The following KCNN3 variants were observed in gnomAD, a reference collection of about 807,000 sequenced individuals.
KCNN3 encodes the protein potassium calcium-activated channel subfamily N member 3, also known as small conductance calcium-activated potassium channel protein 3.
KCNN3 carries 16 observed loss-of-function variants against 62.9 expected under a neutral mutation model. The ratio of observed to expected loss-of-function variants is 0.25; its 90% CI spans 0.17 to 0.39. The LOEUF (loss-of-function observed/expected upper bound fraction) is 0.39, where lower values mean the gene tolerates loss of function less well. Among genes scored for constraint, KCNN3 ranks in the 10% least tolerant of loss-of-function variants. The probability of loss-of-function intolerance (pLI) is 1.00; values close to 1 mark genes in which losing one functional copy is unlikely to be tolerated. For missense variants in KCNN3, 599 were observed against 949.4 expected, an observed-to-expected ratio of 0.63 and a Z score of 4.85; for synonymous variants, 370 against 389.2, an observed-to-expected ratio of 0.95 and a Z score of 0.58.
intron 3 of KCNN3, among the ~76,000 whole-genome samples, chr1:154,763,931 A>G (rs1248198010): frequency 6.6e-5 from 10 of 152,224 alleles, no homozygotes; most frequent in Admixed American, 6.5e-4. Flanking sequence ...TTTACTGTAT[A>G]TAGCACTTTT....
chr1:154,787,360 A>T (rs1649325403), intron 2 of KCNN3, among the ~76,000 whole-genome samples: 1 of 152,024 alleles, frequency 6.6e-6, no homozygotes, highest in African/African-American at 2.4e-5. Flanking sequence ...GGGCCAGGGC[A>T]TGCGGCAGCC....
chr1:154,869,149 G>T lies in KCNN3; in HGVS notation c.816C>A (p.His272Gln). 5 of 1,614,154 alleles carry T rather than the reference G, an allele frequency of 3.1e-6. No individual in the cohort carries two copies. Among genetic ancestry groups the T allele is most frequent in the Non-Finnish European group, 4.2e-6 (5 of 1,180,038 alleles). The change falls in exon 1 of 8, where the codon CAC becomes CAA. Residue 272 changes from histidine to glutamine, a missense_variant. Physicochemically the swap from His to Gln is conservative, Grantham distance 24 (BLOSUM62 0). This residue lies in a region of KCNN3 where 288 missense variants were observed against 557.4 expected (regional missense o/e 0.52). Coordinates refer to ENST00000271915, the MANE Select transcript of KCNN3 (RefSeq NM_002249.6). The surrounding 1 kb of genome is among the most constrained non-coding windows in gnomAD (Gnocchi z 6.1). ...KNQNIGYKLG[H>Q]RRALFEKRKR... ...TTCTCTTTTCAAACAGGGCCCTCCT[G>T]TGTCCCAGCTTATAGCCAATGTTTT... is the stretch of plus-strand genomic sequence containing the variant.
At chr1:154,850,486 T>A (rs1571337722) in intron 1 of KCNN3, among the ~76,000 whole-genome samples, 1 of 152,292 alleles carries the variant, frequency 6.6e-6, no homozygotes, top group African/African-American at 2.4e-5. Flanking sequence ...ACCTGCTGCC[T>A]TTCCCCACTC....
Position 154,870,242 on chromosome 1 carries a change from G to T in KCNN3, c.-278C>A. On this transcript the variant is annotated 5_prime_UTR_variant, in exon 1 of 8. Coordinates refer to ENST00000271915, the MANE Select transcript of KCNN3 (RefSeq NM_002249.6). ...TCTCAGGAGGTGGTCCTCTAGGAGCGTGTGAGGCCAGGCTCAGCTTCACTC... is the reference window on the plus strand; with the variant it reads ...TCTCAGGAGGTGGTCCTCTAGGAGCTTGTGAGGCCAGGCTCAGCTTCACTC... 1.6e-6 allele frequency: 1 copy of T among 623,768 alleles called. No individual in the cohort carries two copies. The highest frequency in any genetic ancestry group is 3.2e-5 in the East Asian group (1 of 31,016). 38.6% of individuals were successfully genotyped at this position (623,768 alleles called of 1,614,324 possible).
intron 3 of KCNN3, among the ~76,000 whole-genome samples, chr1:154,766,632 G>A (rs1204721135): frequency 6.7e-6 from 1 of 149,000 alleles, no homozygotes; most frequent in Non-Finnish European, 1.5e-5. Flanking sequence ...ACCCCATGTA[G>A]GGTGCTTCAT....
intron 2 of KCNN3, among the ~76,000 whole-genome samples, chr1:154,821,066 C>G (rs1240570416): frequency 6.6e-6 from 1 of 152,234 alleles, no homozygotes; most frequent in African/African-American, 2.4e-5. Flanking sequence ...ATCCTCACAA[C>G]AGCTCAGCAG....
At chr1:154,867,323 A>G (rs6656494) in intron 1 of KCNN3, among the ~76,000 whole-genome samples, 75,123 of 152,030 alleles carry the variant, frequency 0.49, 19,413 homozygotes, top group East Asian at 0.88. Flanking sequence ...TGCGCTTCCA[A>G]GGGAAACCCC....
chr1:154,823,246 G>A (rs970702790), intron 1 of KCNN3, among the ~76,000 whole-genome samples: 5 of 152,164 alleles, frequency 3.3e-5, no homozygotes, highest in Non-Finnish European at 5.9e-5. Flanking sequence ...AAAGGAAGGC[G>A]GGAACACAGC....
intron 2 of KCNN3, among the ~76,000 whole-genome samples, chr1:154,794,671 T>C (rs139285998): frequency 1.3e-5 from 2 of 152,274 alleles, no homozygotes; most frequent in Admixed American, 6.5e-5. Context: ...GGATCAACCA[T>C]GGACCAAAGG....
At chr1:154,737,321 A>T (rs2101798084) in intron 3 of KCNN3, among the ~76,000 whole-genome samples, 1 of 152,238 alleles carries the variant, frequency 6.6e-6, no homozygotes, top group South Asian at 2.1e-4. Flanking sequence ...CAGGGTGTGG[A>T]CTATGGATTT....
At chr1:154,800,154 G>T (rs888287966) in intron 2 of KCNN3, among the ~76,000 whole-genome samples, 10 of 152,164 alleles carry the variant, frequency 6.6e-5, no homozygotes, top group Admixed American at 6.5e-5. Flanking sequence ...TGATTCATTG[G>T]CTGTGTTCTT....
chr1:154,827,595 T>C (rs1257639769), intron 1 of KCNN3, among the ~76,000 whole-genome samples: 1 of 152,082 alleles, frequency 6.6e-6, no homozygotes, highest in African/African-American at 2.4e-5. Context: ...GGTCGGGAGC[T>C]CAAGACCGGC....
At chr1:154,736,909 C>A in intron 3 of KCNN3, 1 of 651,804 alleles carries the variant, frequency 1.5e-6, no homozygotes, top group Admixed American at 2.1e-5. Context: ...TGAGAGTGTC[C>A]TTCGTTGTTT....
intron 1 of KCNN3, among the ~76,000 whole-genome samples, chr1:154,850,206 C>T (rs1652248699): frequency 1.3e-5 from 2 of 152,228 alleles, no homozygotes; most frequent in South Asian, 4.1e-4. Flanking sequence ...CCGGCCTAAG[C>T]TCCTTCATTA....
Position 154,699,120 on chromosome 1 carries a change from G to A in KCNN3, c.*8856C>T, listed in dbSNP as rs1699799494. The stretch of plus-strand genomic sequence containing the variant: ...GAAAAATGTTTTCCAAAGGAAAAAT[G>A]TTTCCTCTTTGGTGACCTGAGAAAG... On this transcript the variant is annotated 3_prime_UTR_variant, in exon 8 of 8. Transcript: ENST00000271915. 6.7e-6 allele frequency: 1 copy of A among 149,730 alleles called. No individual in the cohort carries two copies. The highest frequency in any genetic ancestry group is 6.7e-5 in the Admixed American group (1 of 15,032). The allele number at this position is 149,730 out of a possible 1,614,324, so 9.3% of individuals were successfully genotyped here.
intron 2 of KCNN3, among the ~76,000 whole-genome samples, chr1:154,776,015 T>C (rs1454292259): frequency 7.1e-6 from 1 of 140,066 alleles, no homozygotes; most frequent in Non-Finnish European, 1.6e-5. Flanking sequence ...GGATTGTAAG[T>C]AAGAGCTGAA....
intron 2 of KCNN3, among the ~76,000 whole-genome samples, chr1:154,790,562 C>A (rs1649471026): frequency 6.6e-6 from 1 of 152,174 alleles, no homozygotes; most frequent in South Asian, 2.1e-4. Context: ...CAGTTGCTGA[C>A]CCTCGTGATC....
chr1:154,822,116 G>A lies in KCNN3; in HGVS notation c.1002C>T (p.Ile334=). Reference sequence around the variant, plus strand: ...GGACTTCACGTGTGTGGTAGGCGATGATCAAGCCCAAAAGGATGATGGTGG... The same window carrying A: ...GGACTTCACGTGTGTGGTAGGCGATAATCAAGCCCAAAAGGATGATGGTGG... ...SLSTIILLGL[I]IAYHTREVQL... Residue 334 remains isoleucine (I), a synonymous_variant, in exon 2 of 8, where the codon ATC becomes ATT. Transcript: ENST00000271915. 6.2e-7 allele frequency: 1 copy of A among 1,614,084 alleles called. No individual in the cohort carries two copies. Among genetic ancestry groups the A allele is most frequent in the Non-Finnish European group, 8.5e-7 (1 of 1,179,926 alleles).
chr1:154,732,990 G>A lies in KCNN3; in HGVS notation c.1590+13C>T. 3 of 1,613,992 alleles carry A rather than the reference G, an allele frequency of 1.9e-6. No homozygotes were observed. The highest frequency in any genetic ancestry group is 2.2e-5 in the South Asian group (2 of 91,082). On this transcript the variant is annotated intron_variant, in intron 4 of 7. Transcript: ENST00000271915. ...ATTTTAAGGGTAGGGAATGGGGAGAGGCGGGTACTCACCATGATGCCAGTG... is the reference window on the plus strand; with the variant it reads ...ATTTTAAGGGTAGGGAATGGGGAGAAGCGGGTACTCACCATGATGCCAGTG...
Sources: gnomAD v4.1 joint callset for allele counts (sites outside exome capture counted in the v4.1 genomes callset) on GRCh38, gnomAD v4.1.1 for gene constraint, gnomAD v4.1.1 regional missense constraint, Gnocchi (gnomAD v3.1) non-coding constraint, MANE v1.5 for transcripts, NCBI Gene and HGNC (gene_info 2026-07-23, HGNC 2026-07-21) for gene names.